GALR1: variants seen among roughly 807,000 people sequenced by gnomAD.
GALR1 encodes galanin receptor 1, also known as galanin receptor type 1.
A neutral mutation model predicts 17.9 loss-of-function variants in GALR1; 11 were observed. That is an observed-to-expected ratio of 0.62 (90% CI 0.39 to 1.02). The LOEUF (loss-of-function observed/expected upper bound fraction) is 1.02. Among genes scored for constraint, GALR1 ranks in the 50% least tolerant of loss-of-function variants. The pLI is 0.01. For missense variants in GALR1, 441 were observed against 456.9 expected (o/e 0.97, Z 0.32); for synonymous variants, 206 against 205.7 (o/e 1.00, Z -0.01).
chr18:77,252,775 G>A (rs962382660), intron 1 of GALR1, among the ~76,000 whole-genome samples: 2 of 151,472 alleles, frequency 1.3e-5, no homozygotes, highest in Non-Finnish European at 2.9e-5. Context: ...TTGAACCCAA[G>A]TGACGGAGGG....
chr18:77,252,884 C>CCAT, intron 1 of GALR1, among the ~76,000 whole-genome samples: 1 of 82,306 alleles, frequency 1.2e-5, no homozygotes, highest in East Asian at 4.3e-4. Context: ...ACCACCATCA[C>CCAT]CACCACCACC....
chr18:77,251,007 G>GCTGGGCGTGGGCTGCAT lies in GALR1; in HGVS notation c.467_483dup (p.Leu162TrpfsTer76). 1 of 1,604,874 alleles carries GCTGGGCGTGGGCTGCAT rather than the reference G, an allele frequency of 6.2e-7. No homozygotes were observed. The highest frequency in any genetic ancestry group is 8.5e-7 in the Non-Finnish European group (1 of 1,179,848). On this transcript the variant is annotated frameshift_variant, in exon 1 of 3. Coordinates refer to ENST00000299727, the MANE Select transcript of GALR1 (RefSeq NM_001480.4). LOFTEE classifies it high-confidence loss of function. ...CCCTCAGGGTGTCCCGCAACGCGCT[G>GCTGGGCGTGGGCTGCAT]CTGGGCGTGGGCTGCATCTGGGCGC...
chr18:77,277,646 C>A lies in GALR1; in HGVS notation c.*8744C>A, dbSNP rs1175696948. On this transcript the variant is annotated 3_prime_UTR_variant, in exon 3 of 3. Coordinates refer to ENST00000299727, the MANE Select transcript of GALR1 (RefSeq NM_001480.4). ...TATGAAAGCAGTGCTGAATGTGGAT[C>A]TTCTTATGCCAGATACTGTTATAAT... The A allele has an allele frequency of 6.6e-6, 1 of 152,226 alleles. No homozygotes were observed. The highest frequency in any genetic ancestry group is 1.9e-4 in the East Asian group (1 of 5,206). 9.4% of individuals were successfully genotyped at this position (152,226 alleles called of 1,614,324 possible).
intron 1 of GALR1, among the ~76,000 whole-genome samples, chr18:77,252,872 C>T (rs376047689): frequency 6.2e-4 from 47 of 76,314 alleles, no homozygotes; most frequent in Non-Finnish European, 9.0e-4. Flanking sequence ...ACCACCACCA[C>T]CACCACCATC....
At chr18:77,260,782 A>T (rs998144028) in intron 2 of GALR1, among the ~76,000 whole-genome samples, 1 of 152,208 alleles carries the variant, frequency 6.6e-6, no homozygotes, top group Non-Finnish European at 1.5e-5. Flanking sequence ...GACATAAAGA[A>T]ATGTTTCTGG....
rs2144969040 is a variant in GALR1 at position 77,269,241 on chromosome 18, G to A, written c.*339G>A. 5.6e-6 allele frequency: 1 copy of A among 177,904 alleles called. No individual in the cohort carries two copies. Among genetic ancestry groups the A allele is most frequent in the East Asian group, 1.5e-4 (1 of 6,730 alleles). The allele number at this position is 177,904 out of a possible 1,614,324, so 11.0% of individuals were successfully genotyped here. Reference sequence around the variant, plus strand: ...AGATTGTGAACTGGCCCATCAATATGGTCAGGAATATTTGCAGTCTACATT... The same window carrying A: ...AGATTGTGAACTGGCCCATCAATATAGTCAGGAATATTTGCAGTCTACATT... On this transcript the variant is annotated 3_prime_UTR_variant, in exon 3 of 3. Coordinates refer to ENST00000299727, the MANE Select transcript of GALR1 (RefSeq NM_001480.4).
At chr18:77,264,260 G>A (rs1048000236) in intron 2 of GALR1, among the ~76,000 whole-genome samples, 1 of 151,904 alleles carries the variant, frequency 6.6e-6, no homozygotes, top group African/African-American at 2.4e-5. Flanking sequence ...GGTCCATGCA[G>A]GATCACTGTA....
chr18:77,271,210 G>C lies in GALR1; in HGVS notation c.*2308G>C, dbSNP rs1435174505. On this transcript the variant is annotated 3_prime_UTR_variant, in exon 3 of 3. Transcript: ENST00000299727. ...GATGCTACTGGCACGTCTGAAGCTTGAGGCATGGTACAAAAAGTAATAGCT... is the reference window on the plus strand; with the variant it reads ...GATGCTACTGGCACGTCTGAAGCTTCAGGCATGGTACAAAAAGTAATAGCT... The C allele has an allele frequency of 6.7e-6, 1 of 149,772 alleles. No homozygotes were observed. Among genetic ancestry groups the C allele is most frequent in the Non-Finnish European group, 1.5e-5 (1 of 67,776 alleles). 9.3% of individuals were successfully genotyped at this position (149,772 alleles called of 1,614,324 possible).
At position 77,266,862 on chromosome 18, in the gene GALR1, G is replaced by A. The variant is rs75567890; in HGVS notation, c.733-1723G>A. Among the ~76,000 whole-genome samples, 118 of 152,282 alleles carry A rather than the reference G, an allele frequency of 7.7e-4. 1 individual carries two copies. Among genetic ancestry groups the A allele is most frequent in the South Asian group, 3.3e-3 (16 of 4,816 alleles). On this transcript the variant is annotated intron_variant, in intron 2 of 2. Transcript: ENST00000299727. ...CCCTCCCATTATGTGTGGAGATTAT[G>A]GGAATGACAATTCAAGATGAGAGCT... is the stretch of plus-strand genomic sequence containing the variant.
At chr18:77,262,376 G>C (rs1302089558) in intron 2 of GALR1, among the ~76,000 whole-genome samples, 2 of 152,132 alleles carry the variant, frequency 1.3e-5, no homozygotes, top group Non-Finnish European at 2.9e-5. Context: ...TGACAGTGTG[G>C]AGCAGTAGTA....
At chr18:77,268,217 TG>T (rs1348128059) in intron 2 of GALR1, among the ~76,000 whole-genome samples, 3 of 151,968 alleles carry the variant, frequency 2.0e-5, no homozygotes, top group Non-Finnish European at 4.4e-5. Flanking sequence ...ACAGCTGCGG[TG>T]GGTGAGATGC....
intron 2 of GALR1, among the ~76,000 whole-genome samples, chr18:77,268,195 A>G (rs1235066540): frequency 6.6e-6 from 1 of 152,160 alleles, no homozygotes; most frequent in Admixed American, 6.5e-5. Flanking sequence ...TCCGAGATGC[A>G]TTGCTGGTGA....
intron 2 of GALR1, among the ~76,000 whole-genome samples, chr18:77,266,293 T>C (rs1599364260): frequency 6.6e-6 from 1 of 152,194 alleles, no homozygotes; most frequent in African/African-American, 2.4e-5. Context: ...GACTTCATTG[T>C]CCATATCACT....
At position 77,268,638 on chromosome 18, in the gene GALR1, G is replaced by A. The variant is rs767721887; in HGVS notation, c.786G>A (p.Pro262=). The stretch of plus-strand genomic sequence containing the variant: ...TGGTGTTTGGAATCTCCTGGCTGCC[G>A]CACCACATCATCCATCTCTGGGCTG... ...VVVVFGISWL[P]HHIIHLWAEF... Residue 262 remains proline, a synonymous_variant, in exon 3 of 3, where the codon CCG becomes CCA. Transcript: ENST00000299727. The A allele has an allele frequency of 7.4e-6, 12 of 1,613,990 alleles. No individual in the cohort carries two copies. The highest frequency in any genetic ancestry group is 2.7e-5 in the African/African-American group (2 of 74,980).
At chr18:77,265,572 C>T (rs933121104) in intron 2 of GALR1, among the ~76,000 whole-genome samples, 1 of 152,198 alleles carries the variant, frequency 6.6e-6, no homozygotes, top group East Asian at 1.9e-4. Context: ...AGCTCTGACC[C>T]CACATTTCCA....
chr18:77,251,113 G>A lies in GALR1; in HGVS notation c.565G>A (p.Glu189Lys). The change falls in exon 1 of 3, where the codon GAG becomes AAG. Residue 189 changes from glutamate (E) to lysine (K), a missense_variant. Transcript: ENST00000299727. ...CGCCAGCAACCAGACCTTCTGCTGG[G>A]AGCAGTGGCCCGACCCTCGCCACAA... ...PRASNQTFCW[E>K]QWPDPRHKKA... 3 of 1,612,782 alleles carry A rather than the reference G, an allele frequency of 1.9e-6. No homozygotes were observed. Among genetic ancestry groups the A allele is most frequent in the East Asian group, 2.2e-5 (1 of 44,870 alleles).
In GALR1 at chr18:77,276,005, A is replaced by T. The variant is rs1328626923; in HGVS notation, c.*7103A>T. 6.6e-6 allele frequency: 1 copy of T among 152,256 alleles called. No homozygotes were observed. The highest frequency in any genetic ancestry group is 1.5e-5 in the Non-Finnish European group (1 of 68,044). 9.4% of individuals were successfully genotyped at this position (152,256 alleles called of 1,614,324 possible). ...TATTTTCAAAATAGGGCTAGCATGT[A>T]TAAAGAATCAAACTTAGTCATTCCA... On this transcript the variant is annotated 3_prime_UTR_variant, in exon 3 of 3. Coordinates refer to ENST00000299727, the MANE Select transcript of GALR1 (RefSeq NM_001480.4).
intron 2 of GALR1, among the ~76,000 whole-genome samples, chr18:77,264,061 G>C (rs1301679472): frequency 6.8e-6 from 1 of 148,048 alleles, no homozygotes; most frequent in African/African-American, 2.5e-5. Flanking sequence ...TTGAACGTGG[G>C]AGATGGAGGT....
At position 77,264,830 on chromosome 18, in the gene GALR1, C is replaced by T. The variant is rs187343490; in HGVS notation, c.733-3755C>T. 2.0e-3 allele frequency among the ~76,000 whole-genome samples: 306 copies of T among 152,204 alleles called. 1 individual carries two copies. The highest frequency in any genetic ancestry group is 6.9e-3 in the African/African-American group (286 of 41,516). On this transcript the variant is annotated intron_variant, in intron 2 of 2. Coordinates refer to ENST00000299727, the MANE Select transcript of GALR1 (RefSeq NM_001480.4). ...CCATCAGATCTCATGAGAACTCATT[C>T]GCTATCATGAGAATAGCATGAAGGT...
Sources: gnomAD v4.1 joint callset for allele counts (sites outside exome capture counted in the v4.1 genomes callset) on GRCh38, gnomAD v4.1.1 for gene constraint, MANE v1.5 for transcripts, NCBI Gene and HGNC (gene_info 2026-07-23, HGNC 2026-07-21) for gene names.